The following PFKP variants were observed in gnomAD, a reference collection of about 807,000 sequenced individuals.
PFKP encodes ATP-dependent 6-phosphofructokinase, platelet type.
PFKP carries 101 observed loss-of-function variants against 94.3 expected under a neutral mutation model. The observed-to-expected ratio is 1.07, with a 90% CI of 0.91 to 1.26. PFKP has a LOEUF of 1.26. Among genes scored for constraint, PFKP ranks in the 50% most tolerant of loss-of-function variants. The pLI is 0.00. For missense variants in PFKP, 1,145 were observed against 1,103.3 expected, an observed-to-expected ratio of 1.04 and a Z score of -0.53; for synonymous variants, 573 against 432.6, an observed-to-expected ratio of 1.32 and a Z score of -4.03.
intron 1 of PFKP, among the ~76,000 whole-genome samples, chr10:3,071,408 A>T (rs1832167646): frequency 2.4e-5 from 3 of 125,178 alleles, no homozygotes; most frequent in South Asian, 2.6e-4. Context: ...ACTTGCTTGG[A>T]TATCTTCTGT....
At chr10:3,134,335 G>T in intron 19 of PFKP, 148 bp from the exon 20 acceptor site, 2 of 609,828 alleles carry the variant, frequency 3.3e-6, no homozygotes. Context: ...CCAAGTTCAG[G>T]CTACGGGAAT....
At position 3,118,773 on chromosome 10, in the gene PFKP, T is replaced by G. The variant is rs756158776; in HGVS notation, c.1443-9T>G. 5 of 1,609,950 alleles carry G rather than the reference T, an allele frequency of 3.1e-6. No individual in the cohort carries two copies. In the South Asian group the frequency reaches 5.5e-5, roughly 18 times the overall value. On this transcript the variant is annotated splice_polypyrimidine_tract_variant and intron_variant, in intron 14 of 21. Transcript: ENST00000381125. ...TGTCTGACATCGTTCTCCACGTGGCTATTTTCAGCGTTCTCCCGGGGAAGT... is the reference window on the plus strand; with the variant it reads ...TGTCTGACATCGTTCTCCACGTGGCGATTTTCAGCGTTCTCCCGGGGAAGT...
rs1469244973 is a variant in PFKP, at chr10:3,113,489, G to A, written c.1342G>A (p.Asp448Asn). Residue 448 changes from aspartate to asparagine, a missense_variant, in exon 13 of 22, where the codon GAT becomes AAT. Asp to Asn is a conservative substitution (Grantham distance 23). Around this residue, in one of 3 missense-constraint regions of PFKP, gnomAD observed 1,119 missense variants for 1,062.8 expected, o/e 1.05. Transcript: ENST00000381125. ...CGGCCACAGGATGCTCGCCATCTAT[G>A]ATGGCTTTGACGGCTTCGCCAAGGG... ...ADGHRMLAIY[D>N]GFDGFAKGQI... is the part of the protein sequence containing the mutation. 1 of 1,613,260 alleles carries A rather than the reference G, an allele frequency of 6.2e-7. No individual in the cohort carries two copies. Among genetic ancestry groups the A allele is most frequent in the East Asian group, 2.2e-5 (1 of 44,882 alleles).
Position 3,082,369 on chromosome 10 carries a change from G to A in PFKP, c.113-19G>A, listed in dbSNP as rs776253613. 3.8e-6 allele frequency: 6 copies of A among 1,597,146 alleles called. No individual in the cohort carries two copies. The African/African-American group carries it at 5.4e-5, about 14-fold the overall frequency. ...TACCCCGGGCTCTTCAGTGACTCTTGCTCCTGTTTCCACTGCAGGTATGAA... is the reference window on the plus strand; with the variant it reads ...TACCCCGGGCTCTTCAGTGACTCTTACTCCTGTTTCCACTGCAGGTATGAA... On this transcript the variant is annotated intron_variant, in intron 1 of 21. Transcript: ENST00000381125.
At chr10:3,083,098 G>A (rs1833215660) in intron 2 of PFKP, among the ~76,000 whole-genome samples, 1 of 152,206 alleles carries the variant, frequency 6.6e-6, no homozygotes, top group African/African-American at 2.4e-5. Flanking sequence ...GTATTGGTTG[G>A]TTGGTTGTAT....
At chr10:3,120,682 C>T (rs12358995) in intron 16 of PFKP, among the ~76,000 whole-genome samples, 24,159 of 151,944 alleles carry the variant, frequency 0.16, 2,426 homozygotes, top group East Asian at 0.37. Context: ...CTTTGTGGGA[C>T]GGGGTCTTAC....
intron 1 of PFKP, among the ~76,000 whole-genome samples, chr10:3,076,502 TCTCCGATTGTCAATGGCAGCCC>T: frequency 6.6e-6 from 1 of 152,194 alleles, no homozygotes; most frequent in South Asian, 2.1e-4. Flanking sequence ...GTCTGCAGGC[TCTCCGATTGTCAATGGCAGCCC>T]CTCCCTGTCC....
At chr10:3,100,186 A>G (rs1834864270) in intron 3 of PFKP, among the ~76,000 whole-genome samples, 1 of 151,042 alleles carries the variant, frequency 6.6e-6, no homozygotes, top group Non-Finnish European at 1.5e-5. Flanking sequence ...CTTTGGTTGG[A>G]GTTTCTGGGT....
chr10:3,102,975 C>A (rs564186535), intron 4 of PFKP, among the ~76,000 whole-genome samples: 1 of 152,298 alleles, frequency 6.6e-6, no homozygotes, highest in East Asian at 1.9e-4. Context: ...TTGCCCCTGG[C>A]CCTTCAGTGG....
At chr10:3,119,817 TC>T in intron 15 of PFKP, 74 bp from the exon 16 acceptor site, 1 of 1,437,874 alleles carries the variant, frequency 7.0e-7, no homozygotes, top group Non-Finnish European at 9.7e-7. Context: ...GAGGTGGCGC[TC>T]CCAGCCTCTC....
chr10:3,119,605 A>AAAAAAC (rs61340420), intron 15 of PFKP, among the ~76,000 whole-genome samples: 11 of 151,590 alleles, frequency 7.3e-5, no homozygotes, highest in Middle Eastern at 3.2e-3. Flanking sequence ...ACTCCGTCTC[A>AAAAAAC]AAAAACAAAA....
At chr10:3,106,095 G>A (rs534833016) in intron 7 of PFKP, among the ~76,000 whole-genome samples, 1 of 152,334 alleles carries the variant, frequency 6.6e-6, no homozygotes, top group South Asian at 2.1e-4. Context: ...TGCTGCTGGA[G>A]CCTGTGTGCA....
chr10:3,067,933 A>T (rs939381828), intron 1 of PFKP, among the ~76,000 whole-genome samples: 1 of 152,112 alleles, frequency 6.6e-6, no homozygotes, highest in Non-Finnish European at 1.5e-5. Flanking sequence ...GCGGGGCGGC[A>T]TGAGCCGGCG....
intron 13 of PFKP, among the ~76,000 whole-genome samples, chr10:3,115,425 T>TGGC (rs1564327479): frequency 1.9e-4 from 2 of 10,392 alleles, no homozygotes; most frequent in South Asian, 0.017. Context: ...TGTCCCGCCA[T>TGGC]GGAGGACAGG....
At chr10:3,126,846 G>A (rs879785454) in intron 16 of PFKP, among the ~76,000 whole-genome samples, 3 of 152,244 alleles carry the variant, frequency 2.0e-5, no homozygotes, top group Non-Finnish European at 4.4e-5. Context: ...CAGCAGGATC[G>A]CCTCTGCGTC....
Position 3,107,374 on chromosome 10 carries a change from T to C in PFKP, c.870+65T>C, listed in dbSNP as rs990340903. ...CTGGAAGCAGGGGAGGCTAGCGTCATGGGCAGGCTTGGTTTAGAACATTGA... is the reference window on the plus strand; with the variant it reads ...CTGGAAGCAGGGGAGGCTAGCGTCACGGGCAGGCTTGGTTTAGAACATTGA... On this transcript the variant is annotated intron_variant, in intron 8 of 21. Transcript: ENST00000381125. The C allele has an allele frequency of 3.2e-6, 3 of 928,990 alleles. No individual in the cohort carries two copies. In the African/African-American group the frequency reaches 4.9e-5, roughly 15 times the overall value. 57.5% of individuals were successfully genotyped at this position (928,990 alleles called of 1,614,324 possible). A position where few individuals can be genotyped will look rare whatever the true frequency, so the allele number is the denominator to read the frequency against.
intron 16 of PFKP, among the ~76,000 whole-genome samples, chr10:3,127,521 G>A (rs1838092507): frequency 6.6e-6 from 1 of 152,214 alleles, no homozygotes; most frequent in Non-Finnish European, 1.5e-5. Context: ...GGGGTCCTGA[G>A]GCCCCACCCG....
intron 10 of PFKP, 71 bp downstream of exon 10, chr10:3,109,551 TG>T: frequency 1.3e-6 from 2 of 1,553,622 alleles, no homozygotes; most frequent in Non-Finnish European, 8.7e-7. Context: ...CAGGCCAGCC[TG>T]GGCACCTTGG....
chr10:3,093,856 G>C (rs1012317674), intron 2 of PFKP, among the ~76,000 whole-genome samples: 1 of 152,094 alleles, frequency 6.6e-6, no homozygotes, highest in South Asian at 2.1e-4. Flanking sequence ...TGTTAGCCAG[G>C]ATGGTCTCCA....
Sources: allele counts gnomAD v4.1 joint callset (sites outside exome capture counted in the v4.1 genomes callset), GRCh38; gene constraint gnomAD v4.1.1; regional missense constraint gnomAD v4.1.1; transcripts MANE v1.5; gene names NCBI Gene and HGNC (gene_info 2026-07-23, HGNC 2026-07-21).